Variants in PNPT1 observed in about 807,000 individuals in gnomAD.
PNPT1 encodes the protein polyribonucleotide nucleotidyltransferase 1.
A neutral mutation model predicts 119.5 loss-of-function variants in PNPT1; 53 were observed. The ratio of observed to expected loss-of-function variants is 0.44; its 90% CI spans 0.36 to 0.56. The LOEUF is 0.56. Ranked by LOEUF, PNPT1 falls within the 20% of genes least tolerant of loss-of-function variation. PNPT1 has a pLI of 0.00. For missense variants in PNPT1, 948 were observed against 938.5 expected (o/e 1.01, Z -0.13); for synonymous variants, 357 against 322.1 (o/e 1.11, Z -1.16).
chr2:55,691,879 T>TATATATATATATATATATA (rs1491131806), intron 1 of PNPT1, among the ~76,000 whole-genome samples: 2 of 8,508 alleles, frequency 2.4e-4, no homozygotes, highest in Admixed American at 2.9e-3. Context: ...TATATATATA[T>TATATATATATATATATATA]TTTTTTTTTT....
At chr2:55,644,438 T>A (rs1050065102) in intron 23 of PNPT1, among the ~76,000 whole-genome samples, 199 bp downstream of exon 23, 4 of 152,186 alleles carry the variant, frequency 2.6e-5, no homozygotes, top group African/African-American at 9.7e-5. Flanking sequence ...TTCTTGAATT[T>A]AGTTAAGAAT....
At position 55,636,381 on chromosome 2, in the gene PNPT1, A is replaced by G. The variant is rs1572789751; in HGVS notation, c.2208T>C (p.Phe736=). The part of the protein sequence containing the change: ...EVGQEIQVKY[F]GRDPADGRMR... ...TTCTTCCATCGGCTGGGTCACGTCC[A>G]AAGTATTTCACCTGTGTTAAAGAAA... is the stretch of plus-strand genomic sequence containing the variant. Residue 736 remains phenylalanine, a synonymous_variant, in exon 28 of 28, where the codon TTT becomes TTC. Coordinates refer to ENST00000447944, the MANE Select transcript of PNPT1 (RefSeq NM_033109.5). 1 of 1,614,036 alleles carries G rather than the reference A, an allele frequency of 6.2e-7. No homozygotes were observed. Among genetic ancestry groups the G allele is most frequent in the Non-Finnish European group, 8.5e-7 (1 of 1,179,978 alleles).
At position 55,646,222 on chromosome 2, in the gene PNPT1, G is replaced by C. The variant is rs72805494; in HGVS notation, c.1738+37C>G. ...AACTATAGTTCCCATTAGCAAAGTG[G>C]AAAAGAATGAAGGGAGAATCAAGCA... On this transcript the variant is annotated intron_variant, in intron 21 of 27. Transcript: ENST00000447944. The C allele has an allele frequency of 0.039, 60,453 of 1,563,856 alleles. 1,648 individuals carry two copies. The highest frequency in any genetic ancestry group is 0.098 in the Middle Eastern group (567 of 5,802).
At chr2:55,639,665 A>G (rs1695781290) in intron 26 of PNPT1, among the ~76,000 whole-genome samples, 1 of 152,196 alleles carries the variant, frequency 6.6e-6, no homozygotes, top group South Asian at 2.1e-4. Context: ...AAGCTTCTGC[A>G]TATAAGCATT....
At chr2:55,680,800 A>C (rs1344630740) in intron 6 of PNPT1, 41 bp from the exon 7 acceptor site, 9 of 1,611,698 alleles carry the variant, frequency 5.6e-6, no homozygotes, top group Middle Eastern at 3.3e-4. Flanking sequence ...TTAAAATTTC[A>C]TTGCTTTAAA....
chr2:55,693,447 C>G (rs1156610944), intron 1 of PNPT1, among the ~76,000 whole-genome samples: 1 of 152,066 alleles, frequency 6.6e-6, no homozygotes, highest in East Asian at 1.9e-4. Flanking sequence ...GCAAAGAAGC[C>G]CGGCACACAC....
chr2:55,686,463 C>T lies in PNPT1; in HGVS notation c.223-19G>A, dbSNP rs368874153. ...CACCTGACTTAAACATAAAGAACAACGCTGGTAAGTTCCTTTGAAATCAGA... is the reference window on the plus strand; with the variant it reads ...CACCTGACTTAAACATAAAGAACAATGCTGGTAAGTTCCTTTGAAATCAGA... On this transcript the variant is annotated intron_variant, in intron 2 of 27. Coordinates refer to ENST00000447944, the MANE Select transcript of PNPT1 (RefSeq NM_033109.5). The T allele has an allele frequency of 9.4e-6, 15 of 1,600,240 alleles. No individual in the cohort carries two copies. Among genetic ancestry groups the T allele is most frequent in the South Asian group, 2.2e-5 (2 of 90,106 alleles).
At chr2:55,643,472 T>C (rs1695899995) in intron 23 of PNPT1, 47 bp from the exon 24 acceptor site, 4 of 1,526,550 alleles carry the variant, frequency 2.6e-6, no homozygotes, top group Non-Finnish European at 3.6e-6. Flanking sequence ...TGGCTGGGCA[T>C]AGTGGGTCAC....
chr2:55,659,758 G>A (rs1471281382), intron 15 of PNPT1, among the ~76,000 whole-genome samples: 7 of 151,954 alleles, frequency 4.6e-5, no homozygotes, highest in African/African-American at 2.4e-5. Flanking sequence ...CAATAAAATA[G>A]TAGCCCCAAA....
At chr2:55,683,676 A>G (rs1217605611) in intron 5 of PNPT1, 109 bp downstream of exon 5, 2 of 1,027,858 alleles carry the variant, frequency 1.9e-6, no homozygotes, top group African/African-American at 3.3e-5. Flanking sequence ...TAACAGTATC[A>G]TAAAAAATTC....
Position 55,634,857 on chromosome 2 carries a change from G to A in PNPT1, c.*1380C>T, listed in dbSNP as rs1256305188. 3 of 151,808 alleles carry A rather than the reference G, an allele frequency of 2.0e-5. No homozygotes were observed. Among genetic ancestry groups the A allele is most frequent in the Non-Finnish European group, 2.9e-5 (2 of 67,954 alleles). 9.4% of individuals were successfully genotyped at this position (151,808 alleles called of 1,614,324 possible). On this transcript the variant is annotated 3_prime_UTR_variant, in exon 28 of 28. Coordinates refer to ENST00000447944, the MANE Select transcript of PNPT1 (RefSeq NM_033109.5). ...AGGTGTGAGCCACCATGCCTGGCCA[G>A]ATATACCTACATTTTTATAAGATTT...
Position 55,636,192 on chromosome 2 carries a change from A to G in PNPT1, c.*45T>C. The G allele has an allele frequency of 6.7e-7, 1 of 1,495,390 alleles. No individual in the cohort carries two copies. Among genetic ancestry groups the G allele is most frequent in the Non-Finnish European group, 9.2e-7 (1 of 1,087,400 alleles). 92.6% of individuals were successfully genotyped at this position (1,495,390 alleles called of 1,614,324 possible). On this transcript the variant is annotated 3_prime_UTR_variant, in exon 28 of 28. Coordinates refer to ENST00000447944, the MANE Select transcript of PNPT1 (RefSeq NM_033109.5). ...CTAAAATGTTGCTCTACAGCACATCACCCTAGACAAAATAGAATTCTAGAA... is the reference window on the plus strand; with the variant it reads ...CTAAAATGTTGCTCTACAGCACATCGCCCTAGACAAAATAGAATTCTAGAA...
At chr2:55,672,739 G>C (rs1559104913) in intron 9 of PNPT1, among the ~76,000 whole-genome samples, 154 bp downstream of exon 9, 2 of 152,156 alleles carry the variant, frequency 1.3e-5, no homozygotes, top group African/African-American at 2.4e-5. Context: ...CCTTTTTAAG[G>C]GAGTAAGCAG....
intron 21 of PNPT1, 135 bp downstream of exon 21, chr2:55,646,124 G>A: frequency 3.5e-6 from 3 of 855,032 alleles, no homozygotes; most frequent in Non-Finnish European, 5.4e-6. Flanking sequence ...CACCACACCT[G>A]GCCAGTACTT....
chr2:55,667,778 A>T, intron 12 of PNPT1, 84 bp downstream of exon 12: 2 of 1,510,498 alleles, frequency 1.3e-6, no homozygotes, highest in South Asian at 1.3e-5. Context: ...AAAAAAACAA[A>T]CTTTCTTTGA....
Position 55,656,386 on chromosome 2 carries a change from A to C in PNPT1, c.1285-15T>G, listed in dbSNP as rs749312527. 1.7e-5 allele frequency: 27 copies of C among 1,577,666 alleles called. No homozygotes were observed. The highest frequency in any genetic ancestry group is 1.3e-4 in the East Asian group (6 of 44,644). On this transcript the variant is annotated splice_polypyrimidine_tract_variant and intron_variant, in intron 15 of 27. Coordinates refer to ENST00000447944, the MANE Select transcript of PNPT1 (RefSeq NM_033109.5). ...TAAGGAGGAAACTTAAAAAAAAAAA[A>C]ACACAAACACACATATACAATTGAC... is the stretch of plus-strand genomic sequence containing the variant.
intron 15 of PNPT1, among the ~76,000 whole-genome samples, chr2:55,656,911 C>A (rs1170487170): frequency 6.6e-6 from 1 of 152,212 alleles, no homozygotes; most frequent in Non-Finnish European, 1.5e-5. Context: ...GAGGAAACAG[C>A]TCTTTTCCAT....
chr2:55,644,568 G>T, intron 23 of PNPT1, 69 bp downstream of exon 23: 1 of 1,119,222 alleles, frequency 8.9e-7, no homozygotes, highest in South Asian at 1.5e-5. Context: ...CAACATACTA[G>T]AGATGAAATA....
rs901027534 is a variant in PNPT1 at position 55,634,701 on chromosome 2, GC to G, written c.*1535del. On this transcript the variant is annotated 3_prime_UTR_variant, in exon 28 of 28. Transcript: ENST00000447944. Reference sequence around the variant, plus strand: ...CTCCTGAGTAGCTGGGATTACAGGCGCCCGCCACCACACCCAGCTAATTTTT... The same window carrying G: ...CTCCTGAGTAGCTGGGATTACAGGCGCCGCCACCACACCCAGCTAATTTTT... 8.7e-4 allele frequency: 130 copies of G among 149,984 alleles called. No individual in the cohort carries two copies. The highest frequency in any genetic ancestry group is 3.0e-3 in the African/African-American group (121 of 40,572). 9.3% of individuals were successfully genotyped at this position (149,984 alleles called of 1,614,324 possible).
Sources: allele counts gnomAD v4.1 joint callset (sites outside exome capture counted in the v4.1 genomes callset), GRCh38; gene constraint gnomAD v4.1.1; transcripts MANE v1.5; gene names NCBI Gene and HGNC (gene_info 2026-07-23, HGNC 2026-07-21).